PPP2R2B: variants seen among roughly 807,000 people sequenced by gnomAD.
The protein encoded by PPP2R2B is protein phosphatase 2 regulatory subunit Bbeta.
In PPP2R2B, 5 loss-of-function variants were observed where a neutral mutation model predicts 46.0. That is an observed-to-expected ratio of 0.11 (90% CI 0.06 to 0.23). The LOEUF (loss-of-function observed/expected upper bound fraction) is 0.23, where lower values mean the gene tolerates loss of function less well. Ranked by LOEUF, PPP2R2B falls within the 10% of genes least tolerant of loss-of-function variation. The pLI, the probability that PPP2R2B is intolerant of heterozygous loss-of-function variation, is 1.00. For synonymous variants in PPP2R2B, 215 were observed against 206.7 expected (o/e 1.04, Z -0.34); for missense variants, 367 against 575.0 (o/e 0.64, Z 3.70).
chr5:147,051,457 C>T (rs1756813764), intron 1 of PPP2R2B, among the ~76,000 whole-genome samples: 1 of 152,120 alleles, frequency 6.6e-6, no homozygotes, highest in African/African-American at 2.4e-5. Context: ...CTCATAATAA[C>T]AACTTCATTT....
intron 4 of PPP2R2B, among the ~76,000 whole-genome samples, chr5:146,697,481 G>T (rs1023342822): frequency 1.3e-5 from 2 of 152,180 alleles, no homozygotes; most frequent in Non-Finnish European, 2.9e-5. Flanking sequence ...TTCTTGATCA[G>T]TTTTTTGATA....
chr5:146,700,710 T>C (rs1779485610), intron 3 of PPP2R2B, among the ~76,000 whole-genome samples: 2 of 152,214 alleles, frequency 1.3e-5, no homozygotes. Context: ...CAAGGGAGAC[T>C]GAATTTCAAT....
At chr5:146,727,709 A>C (rs1208566146) in intron 2 of PPP2R2B, among the ~76,000 whole-genome samples, 3 of 152,170 alleles carry the variant, frequency 2.0e-5, no homozygotes, top group Non-Finnish European at 4.4e-5. Context: ...CAAAATACCC[A>C]AAATCTATTC....
chr5:146,726,072 T>C (rs1007143961), intron 2 of PPP2R2B, among the ~76,000 whole-genome samples: 2 of 152,136 alleles, frequency 1.3e-5, no homozygotes, highest in Non-Finnish European at 2.9e-5. Context: ...CAGTCCTACC[T>C]GGAGCCTTGA....
chr5:146,674,563 CT>C (rs1467361588), intron 5 of PPP2R2B, among the ~76,000 whole-genome samples: 1 of 152,162 alleles, frequency 6.6e-6, no homozygotes, highest in Non-Finnish European at 1.5e-5. Context: ...TATTTCCCTT[CT>C]GGTCCTAAGG....
At position 146,714,963 on chromosome 5, in the gene PPP2R2B, C is replaced by T. The variant is rs2151186218; in HGVS notation, c.71-13821G>A. Among the ~76,000 whole-genome samples, 3 of 152,234 alleles carry T rather than the reference C, an allele frequency of 2.0e-5. No homozygotes were observed. The Middle Eastern group carries it at 0.01, about 518-fold the overall frequency. On this transcript the variant is annotated intron_variant, in intron 2 of 9. Coordinates refer to ENST00000394411, the MANE Select transcript of PPP2R2B (RefSeq NM_181675.4). ...TTTTAGCTACCTACTATCTGCCTAC[C>T]AGGCAGAAGGCTGCTAACTCATATA...
chr5:146,878,604 G>A lies in PPP2R2B; in HGVS notation c.-138C>T, dbSNP rs1762044781. The A allele has an allele frequency of 8.1e-7, 1 of 1,236,954 alleles. No individual in the cohort carries two copies. Among genetic ancestry groups the A allele is most frequent in the Non-Finnish European group, 1.0e-6 (1 of 964,486 alleles). The allele number at this position is 1,236,954 out of a possible 1,614,324, so 76.6% of individuals were successfully genotyped here. On this transcript the variant is annotated 5_prime_UTR_variant, in exon 1 of 10. Coordinates refer to ENST00000394411, the MANE Select transcript of PPP2R2B (RefSeq NM_181675.4). This position sits in a 1 kb window ranked among gnomAD's most constrained non-coding sequence, Gnocchi z 4.5. ...ATTCAGGCTTGCCTGGCCGGAATGA[G>A]GGTGCTGGTCCCACGGGAGGGCGGC...
chr5:146,701,810 G>C (rs1439847593), intron 2 of PPP2R2B, among the ~76,000 whole-genome samples: 2 of 152,118 alleles, frequency 1.3e-5, no homozygotes, highest in Non-Finnish European at 2.9e-5. Flanking sequence ...AGGGCAATTT[G>C]TACTCTGTAT....
intron 1 of PPP2R2B, among the ~76,000 whole-genome samples, chr5:146,985,100 A>G (rs1753364292): frequency 7.1e-6 from 1 of 141,138 alleles, no homozygotes; most frequent in South Asian, 2.2e-4. Flanking sequence ...GGCTCACTGC[A>G]ACCTATGCCT....
chr5:146,604,039 C>T (rs1272074285), intron 7 of PPP2R2B, among the ~76,000 whole-genome samples: 6 of 152,106 alleles, frequency 3.9e-5, no homozygotes, highest in African/African-American at 9.7e-5. Context: ...TATTTCGATA[C>T]GTGCCAGGCC....
intron 6 of PPP2R2B, among the ~76,000 whole-genome samples, chr5:146,645,221 C>G (rs533890347): frequency 6.6e-6 from 1 of 152,210 alleles, no homozygotes; most frequent in Non-Finnish European, 1.5e-5. Context: ...TTTCCCTTTC[C>G]ATGGTCTAAA....
At chr5:146,637,453 T>C (rs571332669) in intron 7 of PPP2R2B, among the ~76,000 whole-genome samples, 7 of 152,288 alleles carry the variant, frequency 4.6e-5, no homozygotes, top group African/African-American at 1.7e-4. Flanking sequence ...GATTCAATGG[T>C]GTACTGTTAA....
At chr5:146,929,427 A>G (rs1295972817) in intron 1 of PPP2R2B, among the ~76,000 whole-genome samples, 2 of 152,200 alleles carry the variant, frequency 1.3e-5, no homozygotes, top group Non-Finnish European at 2.9e-5. Context: ...TTTAGAAAAC[A>G]TGCACCAAAT....
At chr5:146,992,726 C>A (rs966884578) in intron 1 of PPP2R2B, among the ~76,000 whole-genome samples, 4 of 152,178 alleles carry the variant, frequency 2.6e-5, no homozygotes, top group Non-Finnish European at 5.9e-5. Flanking sequence ...ACATGGAATT[C>A]TCTGATCTCA....
At chr5:147,001,300 G>T (rs553078993) in intron 1 of PPP2R2B, among the ~76,000 whole-genome samples, 5 of 152,134 alleles carry the variant, frequency 3.3e-5, no homozygotes, top group Non-Finnish European at 5.9e-5. Context: ...CTTTGGGTCC[G>T]CACTACCTTT....
chr5:146,744,202 A>T (rs1334143468), intron 2 of PPP2R2B, among the ~76,000 whole-genome samples: 1 of 152,094 alleles, frequency 6.6e-6, no homozygotes, highest in East Asian at 1.9e-4. Context: ...TTCCTCCCAC[A>T]CCATCCCCTG....
chr5:147,050,194 C>T (rs1454204588), intron 1 of PPP2R2B, among the ~76,000 whole-genome samples: 1 of 152,180 alleles, frequency 6.6e-6, no homozygotes, highest in Non-Finnish European at 1.5e-5. Flanking sequence ...AAAGCAATAT[C>T]AAACAATGTA....
At chr5:146,680,223 T>G (rs566028689) in intron 5 of PPP2R2B, among the ~76,000 whole-genome samples, 41 of 147,726 alleles carry the variant, frequency 2.8e-4, no homozygotes, top group African/African-American at 9.6e-4. Context: ...CCATAAAAAA[T>G]GATGAGTTCA....
intron 2 of PPP2R2B, among the ~76,000 whole-genome samples, chr5:146,709,052 G>A (rs897173968): frequency 6.6e-6 from 1 of 152,170 alleles, no homozygotes; most frequent in Non-Finnish European, 1.5e-5. Context: ...TGTGTAATAC[G>A]TTCTGTTTGA....
Sources: gnomAD v4.1 joint callset for allele counts (sites outside exome capture counted in the v4.1 genomes callset) on GRCh38, gnomAD v4.1.1 for gene constraint, Gnocchi (gnomAD v3.1) non-coding constraint, MANE v1.5 for transcripts, NCBI Gene and HGNC (gene_info 2026-07-23, HGNC 2026-07-21) for gene names.